Variants in HMCN1 observed in about 807,000 individuals in gnomAD.
HMCN1 encodes hemicentin 1, also known as hemicentin-1.
A neutral mutation model predicts 625.9 loss-of-function variants in HMCN1; 321 were observed. The observed-to-expected ratio is 0.51, with a 90% confidence interval of 0.47 to 0.56. The LOEUF is 0.56. HMCN1 is among the 20% of genes least tolerant of loss of function. The pLI, the probability that HMCN1 is intolerant of heterozygous loss-of-function variation, is 0.00. For missense variants in HMCN1, 6,588 were observed against 6,887.3 expected (o/e 0.96, Z 1.54); for synonymous variants, 2,425 against 2,417.6 (o/e 1.00, Z -0.09).
intron 7 of HMCN1, 32 bp from the exon 8 acceptor site, chr1:185,923,358 T>C (rs763958366): frequency 1.3e-6 from 2 of 1,558,848 alleles, no homozygotes; most frequent in Non-Finnish European, 8.8e-7. Context: ...TGCTTGTTTC[T>C]TGTAAATGAT....
rs141371119 is a variant in HMCN1 at position 185,965,860 on chromosome 1, C to T, written c.2157C>T (p.Thr719=). The change falls in exon 14 of 107, where the codon ACC becomes ACT. Residue 719 remains threonine, a synonymous_variant. Transcript: ENST00000271588. The stretch of plus-strand genomic sequence containing the variant: ...TCTTGGTTGCCCTTGGGGATATAAC[C>T]GTTATGGAATGCAAAACCTCTGGTA... ...SELLVALGDI[T]VMECKTSGIP... 4.0e-4 allele frequency: 647 copies of T among 1,612,174 alleles called. No individual in the cohort carries two copies. Among genetic ancestry groups the T allele is most frequent in the Admixed American group, 9.3e-4 (56 of 59,948 alleles).
chr1:186,007,462 T>A (rs554418488), intron 30 of HMCN1, among the ~76,000 whole-genome samples, 180 bp downstream of exon 30: 1 of 152,320 alleles, frequency 6.6e-6, no homozygotes, highest in African/African-American at 2.4e-5. Flanking sequence ...CAAATTTTAA[T>A]GCCTTTTTTC....
chr1:185,747,151 T>G (rs1019600055), intron 1 of HMCN1, among the ~76,000 whole-genome samples: 2 of 152,176 alleles, frequency 1.3e-5, no homozygotes, highest in African/African-American at 4.8e-5. Flanking sequence ...ACTCAGTTTA[T>G]TCTAAAATTT....
At chr1:185,744,636 T>C (rs1654261829) in intron 1 of HMCN1, among the ~76,000 whole-genome samples, 1 of 152,200 alleles carries the variant, frequency 6.6e-6, no homozygotes, top group African/African-American at 2.4e-5. Context: ...CTACCTTTTA[T>C]AGCAGAAGGA....
intron 97 of HMCN1, among the ~76,000 whole-genome samples, chr1:186,154,858 C>T (rs776643150): frequency 3.9e-5 from 6 of 152,166 alleles, no homozygotes; most frequent in Non-Finnish European, 7.3e-5. Context: ...TTTGATGTGT[C>T]TGTCTCCTGA....
intron 1 of HMCN1, among the ~76,000 whole-genome samples, chr1:185,837,180 A>G: frequency 6.6e-6 from 1 of 151,936 alleles, no homozygotes; most frequent in East Asian, 1.9e-4. Flanking sequence ...TACGTTTAAG[A>G]CTTGTAATAC....
rs770292937 is a variant in HMCN1 at position 185,987,534 on chromosome 1, T to C, written c.3038T>C (p.Ile1013Thr). Reference sequence around the variant, plus strand: ...AGTGGAAATCCCAAACCGTCTGTCATCTGGTCCAAGGTAAATGATACATCT... The same window carrying C: ...AGTGGAAATCCCAAACCGTCTGTCACCTGGTCCAAGGTAAATGATACATCT... ...KASGNPKPSV[I>T]WSKKGELIST... The change falls in exon 20 of 107, where the codon ATC becomes ACC. Residue 1013 changes from isoleucine (I) to threonine (T), a missense_variant. Transcript: ENST00000271588. 1 of 1,606,178 alleles carries C rather than the reference T, an allele frequency of 6.2e-7. No individual in the cohort carries two copies. Among genetic ancestry groups the C allele is most frequent in the Non-Finnish European group, 8.5e-7 (1 of 1,172,842 alleles).
intron 102 of HMCN1, among the ~76,000 whole-genome samples, chr1:186,173,501 C>A (rs897745191): frequency 1.8e-4 from 27 of 151,604 alleles, no homozygotes; most frequent in South Asian, 2.1e-4. Flanking sequence ...ATTAGCTGGG[C>A]ATGGTGGCGC....
chr1:186,183,294 G>A (rs1351780091), intron 105 of HMCN1, among the ~76,000 whole-genome samples: 1 of 152,168 alleles, frequency 6.6e-6, no homozygotes, highest in Non-Finnish European at 1.5e-5. Flanking sequence ...TGGGTCCCAG[G>A]AGGCAAAACC....
At chr1:185,805,451 A>G (rs1324317794) in intron 1 of HMCN1, among the ~76,000 whole-genome samples, 1 of 152,156 alleles carries the variant, frequency 6.6e-6, no homozygotes, top group Non-Finnish European at 1.5e-5. Flanking sequence ...TAGAGATGAC[A>G]ATTTGGTGTG....
rs749547466 is a variant in HMCN1 at position 186,007,133 on chromosome 1, T to C, written c.4481T>C (p.Leu1494Ser). 6 of 1,611,624 alleles carry C rather than the reference T, an allele frequency of 3.7e-6. No homozygotes were observed. Among genetic ancestry groups the C allele is most frequent in the Non-Finnish European group, 5.1e-6 (6 of 1,177,984 alleles). ...TAAAGTTTTATTTTTTCTAGGCCTT[T>C]ATTTTTGGGCGATCCTAATGTTGAA... ...DIHWFKDGKP[L>S]FLGDPNVELL... Residue 1494 changes from leucine to serine, a missense_variant, in exon 30 of 107, where the codon TTA becomes TCA. Physicochemically the swap from Leu to Ser is moderately radical, Grantham distance 145 (BLOSUM62 -2). Coordinates refer to ENST00000271588, the MANE Select transcript of HMCN1 (RefSeq NM_031935.3).
At chr1:185,879,315 T>C (rs1664147066) in intron 4 of HMCN1, among the ~76,000 whole-genome samples, 2 of 150,786 alleles carry the variant, frequency 1.3e-5, no homozygotes, top group South Asian at 4.1e-4. Context: ...GGATTACAGG[T>C]GTGCACCACC....
chr1:186,151,801 G>A lies in HMCN1; in HGVS notation c.14896+58G>A, dbSNP rs771274960. On this transcript the variant is annotated intron_variant, in intron 95 of 106. Coordinates refer to ENST00000271588, the MANE Select transcript of HMCN1 (RefSeq NM_031935.3). Reference sequence around the variant, plus strand: ...TATAAAAAGTGCCATGAAGATAGGTGATTAAGAAAAATACGTGTTCCCACA... The same window carrying A: ...TATAAAAAGTGCCATGAAGATAGGTAATTAAGAAAAATACGTGTTCCCACA... 9.3e-5 allele frequency: 144 copies of A among 1,544,096 alleles called. 1 individual carries two copies. Among genetic ancestry groups the A allele is most frequent in the South Asian group, 2.5e-4 (22 of 87,842 alleles).
chr1:185,772,292 A>G (rs775335928), intron 1 of HMCN1, among the ~76,000 whole-genome samples: 3 of 152,182 alleles, frequency 2.0e-5, no homozygotes, highest in Non-Finnish European at 4.4e-5. Flanking sequence ...TTGTCCTTTA[A>G]AAGATAACTC....
At chr1:186,137,005 A>T in intron 87 of HMCN1, 68 bp downstream of exon 87, 1 of 1,567,440 alleles carries the variant, frequency 6.4e-7, no homozygotes, top group South Asian at 1.1e-5. Context: ...GGAAATTATT[A>T]AGCACTTTAG....
chr1:185,760,011 CT>C (rs1655389027), intron 1 of HMCN1, among the ~76,000 whole-genome samples: 1 of 152,108 alleles, frequency 6.6e-6, no homozygotes, highest in Admixed American at 6.6e-5. Flanking sequence ...AGAAGTAATT[CT>C]TTTCTTCTTT....
In HMCN1 at chr1:185,912,945, T is replaced by C. The variant is rs114689524; in HGVS notation, c.900+1165T>C. ...ATTAATGGGATCATACTTCAAATTATAGAGCTGCTGTGAAAATATGTGGAG... is the reference window on the plus strand; with the variant it reads ...ATTAATGGGATCATACTTCAAATTACAGAGCTGCTGTGAAAATATGTGGAG... On this transcript the variant is annotated intron_variant, in intron 6 of 106. Transcript: ENST00000271588. 2.2e-3 allele frequency among the ~76,000 whole-genome samples: 340 copies of C among 152,262 alleles called. 3 individuals carry two copies. The highest frequency in any genetic ancestry group is 7.9e-3 in the African/African-American group (328 of 41,564).
chr1:185,872,363 C>G (rs1663671467), intron 4 of HMCN1, among the ~76,000 whole-genome samples: 1 of 152,080 alleles, frequency 6.6e-6, no homozygotes, highest in Non-Finnish European at 1.5e-5. Context: ...CCTGGGAGTG[C>G]TTATAGGTCA....
intron 50 of HMCN1, among the ~76,000 whole-genome samples, chr1:186,069,264 A>G (rs1227163577): frequency 2.6e-5 from 4 of 152,224 alleles, no homozygotes; most frequent in Non-Finnish European, 5.9e-5. Context: ...AAGATATTTA[A>G]GAAGGATAGG....
Sources: gnomAD v4.1 joint callset for allele counts (sites outside exome capture counted in the v4.1 genomes callset) on GRCh38, gnomAD v4.1.1 for gene constraint, MANE v1.5 for transcripts, NCBI Gene and HGNC (gene_info 2026-07-23, HGNC 2026-07-21) for gene names.